Variants in RIF1 observed in about 807,000 individuals in gnomAD.
The protein encoded by RIF1 is telomere-associated protein RIF1.
In RIF1, 45 loss-of-function variants were observed where a neutral mutation model predicts 247.1. The ratio of observed to expected loss-of-function variants is 0.18; its 90% CI spans 0.14 to 0.23. RIF1 has a LOEUF of 0.23. Among genes scored for constraint, RIF1 ranks in the 10% least tolerant of loss-of-function variants. The pLI, the probability that RIF1 is intolerant of heterozygous loss-of-function variation, is 1.00. For missense variants in RIF1, 2,967 were observed against 2,862.5 expected, an observed-to-expected ratio of 1.04 and a Z score of -0.83; for synonymous variants, 1,087 against 978.8, an observed-to-expected ratio of 1.11 and a Z score of -2.06.
chr2:151,447,818 G>A (rs1693587734), intron 20 of RIF1, among the ~76,000 whole-genome samples: 1 of 152,156 alleles, frequency 6.6e-6, no homozygotes, highest in African/African-American at 2.4e-5. Context: ...TAGGATTACA[G>A]GCGTGAGCCA....
chr2:151,413,533 A>C (rs1297277214), intron 3 of RIF1, among the ~76,000 whole-genome samples: 1 of 152,228 alleles, frequency 6.6e-6, no homozygotes, highest in Non-Finnish European at 1.5e-5. Context: ...TGTGTCTAGG[A>C]ATCTACAACA....
At chr2:151,412,000 G>T (rs1468300650) in intron 3 of RIF1, among the ~76,000 whole-genome samples, 1 of 152,166 alleles carries the variant, frequency 6.6e-6, no homozygotes, top group African/African-American at 2.4e-5. Flanking sequence ...TTCCTTTTGG[G>T]AATCTACATC....
intron 17 of RIF1, 98 bp from the exon 18 acceptor site, chr2:151,443,431 T>A (rs1692712783): frequency 3.0e-6 from 4 of 1,354,378 alleles, no homozygotes; most frequent in South Asian, 1.4e-5. Context: ...TTAAAAAAAA[T>A]TCGTTAACTT....
intron 19 of RIF1, 118 bp from the exon 20 acceptor site, chr2:151,446,307 CT>C: frequency 9.8e-6 from 9 of 922,302 alleles, no homozygotes; most frequent in East Asian, 2.8e-5. Context: ...CCGTTAGTGT[CT>C]TTTTTGACAC....
chr2:151,492,651 T>G (rs948100615), intron 9 of RIF1: 1 of 450,952 alleles, frequency 2.2e-6, no homozygotes, highest in Non-Finnish European at 3.9e-6. Flanking sequence ...CAGGCTAATC[T>G]GGGGACCAGA....
At chr2:151,453,731 C>A (rs1427260881) in intron 21 of RIF1, among the ~76,000 whole-genome samples, 1 of 152,052 alleles carries the variant, frequency 6.6e-6, no homozygotes, top group Non-Finnish European at 1.5e-5. Flanking sequence ...TCATTATTTT[C>A]CCATTACTGG....
chr2:151,489,251 ATAT>A (rs1040182049), intron 9 of RIF1, among the ~76,000 whole-genome samples: 5 of 152,182 alleles, frequency 3.3e-5, no homozygotes, highest in Non-Finnish European at 7.3e-5. Context: ...GCTTTTGAGG[ATAT>A]TATGAATGAG....
chr2:151,434,869 TTTA>T (rs1248456626), intron 10 of RIF1, among the ~76,000 whole-genome samples: 1 of 152,168 alleles, frequency 6.6e-6, no homozygotes, highest in Non-Finnish European at 1.5e-5. Flanking sequence ...TATTTTATAT[TTTA>T]TATAAATAGC....
At chr2:151,431,812 T>TGAATGAATGAAC (rs1396705391) in intron 9 of RIF1, among the ~76,000 whole-genome samples, 11 of 148,548 alleles carry the variant, frequency 7.4e-5, no homozygotes, top group Admixed American at 4.7e-4. Flanking sequence ...AATGAATGAA[T>TGAATGAATGAAC]GAACAAAAAG....
downstream of RIF1, chr2:151,508,152 G>A (rs1369274190): frequency 1.4e-6 from 2 of 1,379,922 alleles, no homozygotes; most frequent in African/African-American, 1.4e-5. Context: ...AACACCACAG[G>A]GATATAGGCC....
the RIF1 span, chr2:151,524,587 G>T: frequency 2.5e-6 from 4 of 1,601,608 alleles, no homozygotes; most frequent in Admixed American, 1.7e-5. Context: ...TGTAATGCAG[G>T]TTCTCTTTGG....
chr2:151,497,774 G>GGAC, intron 10 of RIF1: 1 of 1,547,184 alleles, frequency 6.5e-7, no homozygotes, highest in Non-Finnish European at 8.7e-7. Context: ...TCATTTCTTG[G>GGAC]GACTTTTTAA....
intron 25 of RIF1, among the ~76,000 whole-genome samples, 167 bp from the exon 26 acceptor site, chr2:151,459,833 G>A (rs1211459789): frequency 1.3e-5 from 2 of 152,178 alleles, no homozygotes; most frequent in Middle Eastern, 3.2e-3. Context: ...ATTTGCTGTT[G>A]AATTAGACAG....
At chr2:151,466,785 T>C (rs77109345) in intron 30 of RIF1, among the ~76,000 whole-genome samples, 5,309 of 152,322 alleles carry the variant, frequency 0.035, 172 homozygotes, top group Admixed American at 0.11. Context: ...CTTAACAAAA[T>C]AGATATCCTG....
the RIF1 span, chr2:151,518,487 CTT>C: frequency 1.3e-5 from 13 of 1,020,334 alleles, no homozygotes; most frequent in Non-Finnish European, 1.8e-5. Context: ...TATTTTTCCT[CTT>C]TAGATTAGAC....
chr2:151,455,151 A>C lies in RIF1; in HGVS notation c.2601A>C (p.Glu867Asp). The C allele has an allele frequency of 6.2e-7, 1 of 1,608,864 alleles. No homozygotes were observed. Among genetic ancestry groups the C allele is most frequent in the Non-Finnish European group, 8.5e-7 (1 of 1,177,452 alleles). The change falls in exon 22 of 36, where the codon GAA becomes GAC. Residue 867 changes from glutamate to aspartate, a missense_variant. By Grantham distance (45) the Glu-to-Asp change is conservative (BLOSUM62 2). This residue lies in a region of RIF1 where 2,028 missense variants were observed against 1,825.6 expected (regional missense o/e 1.11). Transcript: ENST00000444746. ...TLTRPLALFY[E>D]NSKLDEVPKV... ...CAAGACCTCTGGCATTATTTTATGA[A>C]AACTCAAAGTAAGTATTTTGGACTA...
rs967805785 is a variant in RIF1 at position 151,456,720 on chromosome 2, G to T, written c.2652+100G>T. On this transcript the variant is annotated intron_variant, in intron 23 of 35. Transcript: ENST00000444746. ...CATAATTCTGCTGATTTTTAAAGGG[G>T]TTATTCCTTCTTTCTTTCTTTTTTT... 1.2e-5 allele frequency: 8 copies of T among 670,664 alleles called. No individual in the cohort carries two copies. The South Asian group carries it at 1.7e-4, about 15-fold the overall frequency. 41.5% of individuals were successfully genotyped at this position (670,664 alleles called of 1,614,324 possible). A position where few individuals can be genotyped will look rare whatever the true frequency, so the allele number is the denominator to read the frequency against.
rs1271625039 is a variant in RIF1, at chr2:151,443,314, G to C, written c.1790G>C (p.Gly597Ala). The C allele has an allele frequency of 6.3e-7, 1 of 1,595,300 alleles. No individual in the cohort carries two copies. Among genetic ancestry groups the C allele is most frequent in the Admixed American group, 1.7e-5 (1 of 59,632 alleles). Residue 597 changes from glycine to alanine, a missense_variant, in exon 17 of 36, where the codon GGT becomes GCT. Around this residue, in one of 7 missense-constraint regions of RIF1, gnomAD observed 369 missense variants for 322.0 expected, o/e 1.15. Coordinates refer to ENST00000444746, the MANE Select transcript of RIF1 (RefSeq NM_018151.5). The stretch of plus-strand genomic sequence containing the variant: ...ATTTTCAACAATTTCTTGGAATGTG[G>C]TGTATCAGATGAAAGGTAAGTTTGT... ...QLIFNNFLEC[G>A]VSDERFFLSL...
At chr2:151,425,649 C>A (rs1688921002) in intron 8 of RIF1, among the ~76,000 whole-genome samples, 1 of 137,604 alleles carries the variant, frequency 7.3e-6, no homozygotes, top group South Asian at 2.3e-4. Flanking sequence ...TTATTAAATC[C>A]TTGTGGTACC....
Sources: allele counts gnomAD v4.1 joint callset (sites outside exome capture counted in the v4.1 genomes callset), GRCh38; gene constraint gnomAD v4.1.1; regional missense constraint gnomAD v4.1.1; transcripts MANE v1.5; gene names NCBI Gene and HGNC (gene_info 2026-07-23, HGNC 2026-07-21).